The following TBC1D15 variants were observed in gnomAD, a reference collection of about 807,000 sequenced individuals.
TBC1D15 encodes the protein GAP for RAB7.
Under a neutral mutation model 95.4 loss-of-function variants are expected in TBC1D15, and 39 were observed. The observed-to-expected ratio is 0.41, with a 90% CI of 0.32 to 0.53. TBC1D15 has a LOEUF of 0.53. Ranked by LOEUF, TBC1D15 falls within the 20% of genes least tolerant of loss-of-function variation. The pLI is 0.29. For missense variants in TBC1D15, 733 were observed against 794.3 expected, an observed-to-expected ratio of 0.92 and a Z score of 0.93; for synonymous variants, 258 against 261.3, an observed-to-expected ratio of 0.99 and a Z score of 0.12.
intron 1 of TBC1D15, chr12:71,861,405 GT>G (rs1340200985): frequency 6.8e-7 from 1 of 1,465,026 alleles, no homozygotes; most frequent in South Asian, 1.4e-5. Flanking sequence ...TTTTTTTCAG[GT>G]TTTTGGTTTC....
rs1377915091 is a variant in TBC1D15, at chr12:71,859,326, C to CT, written c.31-12742dup. Among the ~76,000 whole-genome samples the CT allele has an allele frequency of 5.3e-5, 8 of 151,978 alleles. No individual in the cohort carries two copies. The East Asian group carries it at 1.5e-3, about 29-fold the overall frequency. On this transcript the variant is annotated intron_variant, in intron 1 of 16. Transcript: ENST00000485960. ...TTTTTCTGTTGAGGTTTTCGACTTT[C>CT]TTGTATCTTCTGGATATTAAACCCT...
chr12:71,890,856 T>C (rs571571809), intron 5 of TBC1D15, among the ~76,000 whole-genome samples: 1 of 152,360 alleles, frequency 6.6e-6, no homozygotes, highest in East Asian at 1.9e-4. Flanking sequence ...AAGAATCAGC[T>C]ACAAATACAT....
At chr12:71,905,292 A>C (rs1411413020) in intron 10 of TBC1D15, among the ~76,000 whole-genome samples, 1 of 152,140 alleles carries the variant, frequency 6.6e-6, no homozygotes, top group Non-Finnish European at 1.5e-5. Context: ...TAACTTATGA[A>C]CTTTATCAAC....
intron 4 of TBC1D15, among the ~76,000 whole-genome samples, chr12:71,880,901 G>T (rs1298800427): frequency 2.6e-5 from 4 of 152,116 alleles, no homozygotes; most frequent in Non-Finnish European, 4.4e-5. Flanking sequence ...TCTTAATTTA[G>T]TAGAATTATA....
intron 10 of TBC1D15, among the ~76,000 whole-genome samples, chr12:71,906,606 T>C (rs933904843): frequency 2.6e-5 from 4 of 151,166 alleles, no homozygotes; most frequent in African/African-American, 9.8e-5. Flanking sequence ...ACAAATCTCT[T>C]TGATTATGCT....
chr12:71,839,825 T>C lies in TBC1D15; in HGVS notation c.30+14T>C, dbSNP rs1884444637. Reference sequence around the variant, plus strand: ...GTGAGCGGGAAGGTAGGTAACGGCCTCCAGGAAGACCTCGGCTTTTCTCTG... The same window carrying C: ...GTGAGCGGGAAGGTAGGTAACGGCCCCCAGGAAGACCTCGGCTTTTCTCTG... On this transcript the variant is annotated intron_variant, in intron 1 of 16. Coordinates refer to ENST00000485960, the MANE Select transcript of TBC1D15 (RefSeq NM_001146213.3). 1 of 1,614,090 alleles carries C rather than the reference T, an allele frequency of 6.2e-7. No homozygotes were observed. The highest frequency in any genetic ancestry group is 8.5e-7 in the Non-Finnish European group (1 of 1,179,966).
rs2137816407 is a variant in TBC1D15, at chr12:71,845,425, A to G, written c.30+5614A>G. 2.0e-5 allele frequency among the ~76,000 whole-genome samples: 3 copies of G among 152,340 alleles called. 1 individual carries two copies. The South Asian group carries it at 6.2e-4, about 32-fold the overall frequency. On this transcript the variant is annotated intron_variant, in intron 1 of 16. Transcript: ENST00000485960. ...GGAGAAGGTTCGAGGGACTTAGGTT[A>G]TAGGGTCTGGATGGTGAAAGAAGCA...
At chr12:71,843,839 C>T (rs1249376764) in intron 1 of TBC1D15, among the ~76,000 whole-genome samples, 1 of 152,138 alleles carries the variant, frequency 6.6e-6, no homozygotes, top group Non-Finnish European at 1.5e-5. Context: ...AGTTGCTCTT[C>T]CTTGAGAGTT....
At chr12:71,919,723 A>G (rs367981846) in intron 14 of TBC1D15, among the ~76,000 whole-genome samples, 1 of 152,316 alleles carries the variant, frequency 6.6e-6, no homozygotes, top group East Asian at 1.9e-4. Context: ...ATTTATGCCT[A>G]GTGTTCCATT....
At chr12:71,847,139 T>C (rs1459514076) in intron 1 of TBC1D15, among the ~76,000 whole-genome samples, 4 of 152,156 alleles carry the variant, frequency 2.6e-5, no homozygotes, top group South Asian at 4.1e-4. Context: ...GTGTACACCA[T>C]GAACCCATGA....
chr12:71,880,231 C>A (rs1336004289), intron 3 of TBC1D15, among the ~76,000 whole-genome samples: 1 of 150,590 alleles, frequency 6.6e-6, no homozygotes, highest in Non-Finnish European at 1.5e-5. Context: ...TCAGAGTTGA[C>A]TTCTGCTTAT....
intron 1 of TBC1D15, among the ~76,000 whole-genome samples, chr12:71,862,941 CAT>C (rs1264943740): frequency 6.6e-6 from 1 of 152,200 alleles, no homozygotes; most frequent in Non-Finnish European, 1.5e-5. Flanking sequence ...TCAGTTTTCA[CAT>C]GTCTGGAAAA....
At chr12:71,850,085 A>C (rs982747814) in intron 1 of TBC1D15, 1 of 517,254 alleles carries the variant, frequency 1.9e-6, no homozygotes, top group African/African-American at 2.0e-5. Flanking sequence ...AAATTATGAT[A>C]ATCTAATATC....
chr12:71,840,052 CAG>C (rs935760991), intron 1 of TBC1D15, among the ~76,000 whole-genome samples: 3 of 152,190 alleles, frequency 2.0e-5, no homozygotes, highest in Non-Finnish European at 4.4e-5. Context: ...TGCCCCAGAG[CAG>C]AGAGGCTTTT....
chr12:71,913,856 C>G lies in TBC1D15; in HGVS notation c.1331C>G (p.Ser444Cys). ...GTTCAAGGAATGAGTGATTTACTTTCCCCTCTTTTATATGTGATGGAAAAT... is the reference window on the plus strand; with the variant it reads ...GTTCAAGGAATGAGTGATTTACTTTGCCCTCTTTTATATGTGATGGAAAAT... ...GYVQGMSDLL[S>C]PLLYVMENEV... Residue 444 changes from serine to cysteine, a missense_variant, in exon 12 of 17, where the codon TCC becomes TGC. By Grantham distance (112) the Ser-to-Cys change is moderately radical (BLOSUM62 -1). Transcript: ENST00000485960. The G allele has an allele frequency of 6.3e-7, 1 of 1,585,268 alleles. No homozygotes were observed. The highest frequency in any genetic ancestry group is 8.5e-7 in the Non-Finnish European group (1 of 1,171,196).
At chr12:71,903,256 A>G (rs894353105) in intron 10 of TBC1D15, among the ~76,000 whole-genome samples, 1 of 152,238 alleles carries the variant, frequency 6.6e-6, no homozygotes, top group Middle Eastern at 3.4e-3. Flanking sequence ...GCCAACCAAC[A>G]TATGAAAAAG....
At chr12:71,895,074 T>C (rs1897901284) in intron 7 of TBC1D15, among the ~76,000 whole-genome samples, 191 bp downstream of exon 7, 1 of 152,086 alleles carries the variant, frequency 6.6e-6, no homozygotes, top group African/African-American at 2.4e-5. Context: ...TCTTATACTC[T>C]TTCTTGATTA....
At chr12:71,911,720 A>G (rs986188783) in intron 11 of TBC1D15, among the ~76,000 whole-genome samples, 1 of 151,942 alleles carries the variant, frequency 6.6e-6, no homozygotes, top group Admixed American at 6.6e-5. Flanking sequence ...ACATGTATAC[A>G]TATGTAACTA....
At chr12:71,878,809 A>G (rs1202354509) in intron 3 of TBC1D15, among the ~76,000 whole-genome samples, 1 of 150,788 alleles carries the variant, frequency 6.6e-6, no homozygotes, top group African/African-American at 2.4e-5. Flanking sequence ...GAGCTACTGC[A>G]CCTGGCCTGA....
Sources: gnomAD v4.1 joint callset for allele counts (sites outside exome capture counted in the v4.1 genomes callset) on GRCh38, gnomAD v4.1.1 for gene constraint, MANE v1.5 for transcripts, NCBI Gene and HGNC (gene_info 2026-07-23, HGNC 2026-07-21) for gene names.